ZNF235: variants seen among roughly 807,000 people sequenced by gnomAD.
ZNF235 encodes zinc finger protein 235, also known as zfp-93.
In ZNF235, 25 loss-of-function variants were observed where a neutral mutation model predicts 29.4. The ratio of observed to expected loss-of-function variants is 0.85; its 90% confidence interval spans 0.62 to 1.19. ZNF235 has a LOEUF of 1.19. ZNF235 is among the 50% of genes most tolerant of loss of function. The probability of loss-of-function intolerance (pLI) is 0.00; values close to 1 mark genes in which losing one functional copy is unlikely to be tolerated. For missense variants in ZNF235, 788 were observed against 885.0 expected (o/e 0.89, Z 1.39); for synonymous variants, 300 against 295.3 (o/e 1.02, Z -0.16).
chr19:44,300,157 G>A (rs1393244779), intron 2 of ZNF235, among the ~76,000 whole-genome samples: 1 of 152,108 alleles, frequency 6.6e-6, no homozygotes, highest in Non-Finnish European at 1.5e-5. Context: ...TACAGGCTCT[G>A]GAGTTTGACT....
chr19:44,287,110 C>A lies in ZNF235; in HGVS notation c.*108G>T. 8.5e-7 allele frequency: 1 copy of A among 1,177,748 alleles called. No individual in the cohort carries two copies. The highest frequency in any genetic ancestry group is 1.2e-6 in the Non-Finnish European group (1 of 852,952). 73.0% of individuals were successfully genotyped at this position (1,177,748 alleles called of 1,614,324 possible). ...GAGAGACTTCTTTCCTGTCAAGATT[C>A]TTTGAAGCTTCTAGTTTTAAAGGAA... On this transcript the variant is annotated 3_prime_UTR_variant, in exon 5 of 5. Transcript: ENST00000291182.
At chr19:44,302,961 T>C (rs1568647547) in intron 2 of ZNF235, among the ~76,000 whole-genome samples, 64 of 133,176 alleles carry the variant, frequency 4.8e-4, no homozygotes, top group African/African-American at 1.9e-3. Flanking sequence ...TATATAAATA[T>C]ATACGTATAT....
Position 44,286,729 on chromosome 19 carries a change from T to G in ZNF235, c.*489A>C, listed in dbSNP as rs913694912. 1 of 152,578 alleles carries G rather than the reference T, an allele frequency of 6.6e-6. No homozygotes were observed. The highest frequency in any genetic ancestry group is 2.4e-5 in the African/African-American group (1 of 41,452). 9.5% of individuals were successfully genotyped at this position (152,578 alleles called of 1,614,324 possible). On this transcript the variant is annotated 3_prime_UTR_variant, in exon 5 of 5. Coordinates refer to ENST00000291182, the MANE Select transcript of ZNF235 (RefSeq NM_004234.4). ...TAGAAAACAGACTAGAATTTTCAAG[T>G]ATTTGTCCTAATTATAGGTATTTTC...
At chr19:44,301,283 C>T (rs10418460) in intron 2 of ZNF235, among the ~76,000 whole-genome samples, 4,594 of 152,166 alleles carry the variant, frequency 0.03, 175 homozygotes, top group African/African-American at 0.091. Flanking sequence ...CTGCACATCC[C>T]TGCATTTGTT....
rs1329719905 is a variant in ZNF235 at position 44,287,555 on chromosome 19, T to C, written c.1880A>G (p.Tyr627Cys). 4 of 1,614,218 alleles carry C rather than the reference T, an allele frequency of 2.5e-6. No homozygotes were observed. The highest frequency in any genetic ancestry group is 2.2e-5 in the South Asian group (2 of 91,088). The change falls in exon 5 of 5, where the codon TAT becomes TGT. Residue 627 changes from tyrosine (Y) to cysteine (C), a missense_variant. Transcript: ENST00000291182. Reference protein sequence around the residue: ...HQRVHTGEKPYKCDTCGKAFS... With the variant: ...HQRVHTGEKPCKCDTCGKAFS... ...GGCCTTACCACAAGTGTCACATTTA[T>C]ATGGTTTCTCTCCGGTGTGGACTCT...
Position 44,287,571 on chromosome 19 carries a change from T to G in ZNF235, c.1864A>C (p.Thr622Pro). 1 of 1,614,214 alleles carries G rather than the reference T, an allele frequency of 6.2e-7. No individual in the cohort carries two copies. The highest frequency in any genetic ancestry group is 8.5e-7 in the Non-Finnish European group (1 of 1,180,028). The change falls in exon 5 of 5, where the codon ACC becomes CCC. Residue 622 changes from threonine to proline, a missense_variant. Physicochemically the swap from Thr to Pro is conservative, Grantham distance 38 (BLOSUM62 -1). Transcript: ENST00000291182. The stretch of plus-strand genomic sequence containing the variant: ...TCACATTTATATGGTTTCTCTCCGG[T>G]GTGGACTCTCTGATGGGCTTGAAGG... ...SHLQAHQRVH[T>P]GEKPYKCDTC...
chr19:44,304,767 G>C lies in ZNF235; in HGVS notation c.-49+204C>G, dbSNP rs77359041. The stretch of plus-strand genomic sequence containing the variant: ...GTGCGTGAGGACGGCTAGGGCAGCA[G>C]ACCCTCAACCTCGAAGGACGACGCG... On this transcript the variant is annotated intron_variant, in intron 1 of 4. Transcript: ENST00000291182. The C allele has an allele frequency of 7.4e-5, 73 of 985,492 alleles. No individual in the cohort carries two copies. The African/African-American group carries it at 1.2e-3, about 16-fold the overall frequency. 61.0% of individuals were successfully genotyped at this position (985,492 alleles called of 1,614,324 possible). A position where few individuals can be genotyped will look rare whatever the true frequency, so the allele number is the denominator to read the frequency against.
intron 2 of ZNF235, among the ~76,000 whole-genome samples, chr19:44,302,141 A>C (rs1382288214): frequency 6.6e-6 from 1 of 152,202 alleles, no homozygotes; most frequent in East Asian, 1.9e-4. Context: ...GCTATACTTT[A>C]TTCTCTCCAT....
chr19:44,287,082 T>C lies in ZNF235; in HGVS notation c.*136A>G, dbSNP rs10420428. ...TCCTAACCAAGTCTAAAACACAGCA[T>C]TTGAGAGACTTCTTTCCTGTCAAGA... On this transcript the variant is annotated 3_prime_UTR_variant, in exon 5 of 5. Coordinates refer to ENST00000291182, the MANE Select transcript of ZNF235 (RefSeq NM_004234.4). 1,277 of 892,492 alleles carry C rather than the reference T, an allele frequency of 1.4e-3. 13 individuals carry two copies. The African/African-American group carries it at 0.019, about 13-fold the overall frequency. 55.3% of individuals were successfully genotyped at this position (892,492 alleles called of 1,614,324 possible).
chr19:44,300,516 A>G (rs754418644), intron 2 of ZNF235, among the ~76,000 whole-genome samples: 2 of 152,106 alleles, frequency 1.3e-5, no homozygotes, highest in Non-Finnish European at 2.9e-5. Flanking sequence ...TTTTACATAG[A>G]TCTTAGCCAG....
intron 2 of ZNF235, among the ~76,000 whole-genome samples, chr19:44,301,455 A>G (rs1439971920): frequency 1.3e-5 from 2 of 150,598 alleles, no homozygotes; most frequent in African/African-American, 4.9e-5. Context: ...CATAGCCTCA[A>G]GTCCCTGAAT....
At chr19:44,299,060 T>G (rs1975695208) in intron 3 of ZNF235, among the ~76,000 whole-genome samples, 157 bp from the exon 4 acceptor site, 1 of 152,194 alleles carries the variant, frequency 6.6e-6, no homozygotes, top group Admixed American at 6.5e-5. Flanking sequence ...ATACATTTAC[T>G]ATCACTGGAA....
chr19:44,292,217 A>G (rs1044650018), intron 4 of ZNF235, among the ~76,000 whole-genome samples: 27 of 152,110 alleles, frequency 1.8e-4, no homozygotes, highest in African/African-American at 6.3e-4. Flanking sequence ...GAAAAAAACA[A>G]CATAAAAGAA....
chr19:44,287,416 A>T lies in ZNF235; in HGVS notation c.2019T>A (p.His673Gln). The change falls in exon 5 of 5, where the codon CAT (histidine) becomes CAA (glutamine). Residue 673 changes from histidine (H) to glutamine (Q), a missense_variant. By Grantham distance (24) the His-to-Gln change is conservative. Transcript: ENST00000291182. ...GTTTCTCTCCTGTGTGGACCCTCTG[A>T]TGGGCACTGAGACCAGCACTCCAAC... ...EFSWSAGLSAHQRVHTGEKPY... is the reference protein window; with the variant it reads ...EFSWSAGLSAQQRVHTGEKPY... 1 of 1,613,992 alleles carries T rather than the reference A, an allele frequency of 6.2e-7. No homozygotes were observed. The highest frequency in any genetic ancestry group is 8.5e-7 in the Non-Finnish European group (1 of 1,179,984).
At chr19:44,303,080 T>C (rs551687276) in intron 2 of ZNF235, among the ~76,000 whole-genome samples, 2 of 121,838 alleles carry the variant, frequency 1.6e-5, no homozygotes, top group South Asian at 5.1e-4. Flanking sequence ...TTTGTATATA[T>C]AATACATATA....
intron 4 of ZNF235, chr19:44,290,681 G>C (rs904407449): frequency 1.2e-5 from 2 of 161,356 alleles, no homozygotes; most frequent in African/African-American, 4.8e-5. Flanking sequence ...ATATTGAAAG[G>C]ACAAAGCCCA....
At chr19:44,291,071 C>A (rs181463960) in intron 4 of ZNF235, among the ~76,000 whole-genome samples, 91 of 152,272 alleles carry the variant, frequency 6.0e-4, no homozygotes, top group African/African-American at 2.0e-3. Context: ...CTTGGTCTTT[C>A]TAGGACACTC....
intron 2 of ZNF235, among the ~76,000 whole-genome samples, chr19:44,300,732 C>G (rs1374244823): frequency 6.6e-6 from 1 of 150,622 alleles, no homozygotes; most frequent in Non-Finnish European, 1.5e-5. Flanking sequence ...CCCAGCTACT[C>G]GGGGGGCTGA....
chr19:44,288,808 T>C lies in ZNF235; in HGVS notation c.627A>G (p.Ile209Met). The C allele has an allele frequency of 6.2e-7, 1 of 1,613,486 alleles. No homozygotes were observed. The highest frequency in any genetic ancestry group is 1.1e-5 in the South Asian group (1 of 91,016). The change falls in exon 5 of 5, where the codon ATA becomes ATG. Residue 209 changes from isoleucine (I) to methionine (M), a missense_variant. By Grantham distance (10) the Ile-to-Met change is conservative. Transcript: ENST00000291182. ...TGAAAATGTCAACATATGGAGCAAA[T>C]ATACATAGTTTGTTTTTCATCTGAG... ...KQTQMKNKLC[I>M]FAPYVDIFSC...
Sources: gnomAD v4.1 joint callset for allele counts (sites outside exome capture counted in the v4.1 genomes callset) on GRCh38, gnomAD v4.1.1 for gene constraint, MANE v1.5 for transcripts, NCBI Gene and HGNC (gene_info 2026-07-23, HGNC 2026-07-21) for gene names.